Variants in PPP2R5C observed in about 807,000 individuals in gnomAD.
PPP2R5C encodes the protein serine/threonine-protein phosphatase 2A 56 kDa regulatory subunit gamma isoform.
A neutral mutation model predicts 68.9 loss-of-function variants in PPP2R5C; 7 were observed. The observed-to-expected ratio is 0.10, with a 90% CI of 0.06 to 0.19. The LOEUF (loss-of-function observed/expected upper bound fraction) is 0.19, where lower values mean the gene tolerates loss of function less well. PPP2R5C is among the 10% of genes least tolerant of loss of function. The pLI is 1.00. For synonymous variants in PPP2R5C, 210 were observed against 222.2 expected (o/e 0.95, Z 0.49); for missense variants, 348 against 641.3 (o/e 0.54, Z 4.94).
At chr14:101,810,820 A>G (rs567050919) in intron 1 of PPP2R5C, among the ~76,000 whole-genome samples, 1 of 152,334 alleles carries the variant, frequency 6.6e-6, no homozygotes, top group East Asian at 1.9e-4. Context: ...TCTAGTAATT[A>G]ATAGCGGTTA....
chr14:101,829,185 G>A (rs2040583056), intron 1 of PPP2R5C, among the ~76,000 whole-genome samples: 1 of 152,080 alleles, frequency 6.6e-6, no homozygotes, highest in Admixed American at 6.5e-5. Flanking sequence ...TTCTAACCTT[G>A]AAATAGGAGC....
At position 101,891,283 on chromosome 14, in the gene PPP2R5C, T is replaced by A. The variant is rs925200741; in HGVS notation, c.689+987T>A. 6.6e-6 allele frequency among the ~76,000 whole-genome samples: 1 copy of A among 152,104 alleles called. No homozygotes were observed. Among genetic ancestry groups the A allele is most frequent in the African/African-American group, 2.4e-5 (1 of 41,420 alleles). On this transcript the variant is annotated intron_variant, in intron 6 of 13. Coordinates refer to ENST00000334743, the Ensembl canonical transcript of PPP2R5C. This position sits in a 1 kb window ranked among gnomAD's most constrained non-coding sequence, Gnocchi z 4.9. Reference sequence around the variant, plus strand: ...GATGGATCTAGTGACGCTCTGCAGCTCCTGAGCACAAGACTCTCTTCTCAG... The same window carrying A: ...GATGGATCTAGTGACGCTCTGCAGCACCTGAGCACAAGACTCTCTTCTCAG...
chr14:101,814,871 C>T (rs1428861448), intron 1 of PPP2R5C, among the ~76,000 whole-genome samples: 3 of 152,218 alleles, frequency 2.0e-5, no homozygotes, highest in African/African-American at 4.8e-5. Flanking sequence ...CACTCATGTA[C>T]TTCTTCCTCA....
intron 11 of PPP2R5C, among the ~76,000 whole-genome samples, chr14:101,910,628 T>A (rs977223986): frequency 6.6e-6 from 1 of 151,622 alleles, no homozygotes; most frequent in Admixed American, 6.6e-5. Context: ...GTCAGGAGAT[T>A]GAGACCATGC....
At chr14:101,840,809 T>A (rs1438989162) in intron 1 of PPP2R5C, among the ~76,000 whole-genome samples, 4 of 152,176 alleles carry the variant, frequency 2.6e-5, no homozygotes, top group Admixed American at 2.6e-4. Flanking sequence ...GAACCAGACA[T>A]TGTCAAATTG....
intron 1 of PPP2R5C, among the ~76,000 whole-genome samples, chr14:101,854,278 G>A (rs539749759): frequency 6.6e-6 from 1 of 152,318 alleles, no homozygotes; most frequent in African/African-American, 2.4e-5. Context: ...AGGAAACAGG[G>A]AAACCGTAGC....
At chr14:101,863,326 G>A (rs557515944) in intron 2 of PPP2R5C, among the ~76,000 whole-genome samples, 4 of 151,758 alleles carry the variant, frequency 2.6e-5, no homozygotes, top group African/African-American at 9.7e-5. Context: ...AAGACATGGA[G>A]TCTGGCTATG....
At chr14:101,761,625 G>A (rs1377953706), upstream of PPP2R5C, among the ~76,000 whole-genome samples, 8 of 124,988 alleles carry the variant, frequency 6.4e-5, no homozygotes, top group African/African-American at 2.7e-4. Flanking sequence ...GCGGCCGGCC[G>A]GGGGGTGGGA....
In PPP2R5C at chr14:101,915,052, T is replaced by TTTCGG. The variant is rs2046589329; in HGVS notation, c.1326+2581_1326+2582insCGGTT. 6.6e-6 allele frequency among the ~76,000 whole-genome samples: 1 copy of TTTCGG among 151,966 alleles called. No individual in the cohort carries two copies. ...GAATGCACCTCAGTGAAGGTTTTTGTTTTGGTTTGGTTTGGTTTGGTTTGA... is the reference window on the plus strand; with the variant it reads ...GAATGCACCTCAGTGAAGGTTTTTGTTTCGGTTTGGTTTGGTTTGGTTTGGTTTGA... On this transcript the variant is annotated intron_variant, in intron 12 of 13. Transcript: ENST00000334743. This position sits in a 1 kb window ranked among gnomAD's most constrained non-coding sequence, Gnocchi z 4.2.
At chr14:101,909,952 C>T (rs1288086287) in intron 11 of PPP2R5C, among the ~76,000 whole-genome samples, 2 of 152,190 alleles carry the variant, frequency 1.3e-5, no homozygotes, top group Non-Finnish European at 2.9e-5. Flanking sequence ...ATTTAACATT[C>T]AGAATTTTTT....
intron 3 of PPP2R5C, among the ~76,000 whole-genome samples, chr14:101,804,392 T>C (rs576471929): frequency 1.3e-5 from 2 of 152,220 alleles, no homozygotes; most frequent in African/African-American, 4.8e-5. Context: ...AGAAAGAAAA[T>C]GAGTATATCA....
intron 10 of PPP2R5C, among the ~76,000 whole-genome samples, chr14:101,907,362 G>A (rs1488766486): frequency 6.6e-6 from 1 of 151,818 alleles, no homozygotes; most frequent in East Asian, 1.9e-4. Flanking sequence ...GTAGAGATGG[G>A]GTTTTGCCAT....
At chr14:101,904,716 A>T (rs2141052753) in intron 9 of PPP2R5C, among the ~76,000 whole-genome samples, 1 of 152,278 alleles carries the variant, frequency 6.6e-6, no homozygotes, top group East Asian at 1.9e-4. Flanking sequence ...CAACCTCAGG[A>T]TCTCTAAGCT....
In PPP2R5C at chr14:101,836,300, G is replaced by A. The variant is rs774648647; in HGVS notation, c.95-20386G>A. On this transcript the variant is annotated intron_variant, in intron 1 of 13. Transcript: ENST00000334743. ...ACCCCGCGGCCCCCAAAGCATGGAC[G>A]GAGCTGCCAGCCTTCTCCCCTGCCC... The A allele has an allele frequency of 1.3e-3, 880 of 702,696 alleles. 2 individuals are homozygous for A. Among genetic ancestry groups the A allele is most frequent in the Non-Finnish European group, 1.9e-3 (724 of 384,922 alleles). The allele number at this position is 702,696 out of a possible 1,614,324, so 43.5% of individuals were successfully genotyped here.
At position 101,816,899 on chromosome 14, in the gene PPP2R5C, AAT is replaced by A. The variant is rs1176948924; in HGVS notation, c.94+6873_94+6874del. Reference sequence around the variant, plus strand: ...ATATATATTATATATATATTATATAAATATATATATAATATATATATTTATAT... The same window carrying A: ...ATATATATTATATATATATTATATAAATATATATAATATATATATTTATAT... On this transcript the variant is annotated intron_variant, in intron 1 of 13. Coordinates refer to ENST00000334743, the Ensembl canonical transcript of PPP2R5C. Among the ~76,000 whole-genome samples, 923 of 127,104 alleles carry A rather than the reference AAT, an allele frequency of 7.3e-3. 6 individuals carry two copies. The highest frequency in any genetic ancestry group is 0.019 in the Middle Eastern group (5 of 264). 83.4% of individuals were successfully genotyped at this position (127,104 alleles called of 152,430 possible).
rs2141011739 is a variant in PPP2R5C, at chr14:101,899,026, TA to T, written c.853-2690del. ...TCAAATGTCCAGGCTCAGGAATGTT[TA>T]AAGTAAGATCCACTTAGAAGACTGA... On this transcript the variant is annotated intron_variant, in intron 8 of 13. Transcript: ENST00000334743. This position sits in a 1 kb window ranked among gnomAD's most constrained non-coding sequence, Gnocchi z 4.2. Among the ~76,000 whole-genome samples, 1 of 152,320 alleles carries T rather than the reference TA, an allele frequency of 6.6e-6. No homozygotes were observed. Among genetic ancestry groups the T allele is most frequent in the South Asian group, 2.1e-4 (1 of 4,828 alleles).
chr14:101,791,137 G>C (rs1029024342), intron 3 of PPP2R5C, among the ~76,000 whole-genome samples: 2 of 152,166 alleles, frequency 1.3e-5, no homozygotes, highest in Non-Finnish European at 1.5e-5. Context: ...TTCCAAAGTG[G>C]TTGTACTGTT....
intron 2 of PPP2R5C, among the ~76,000 whole-genome samples, chr14:101,870,535 C>T (rs1054491564): frequency 7.9e-5 from 12 of 152,230 alleles, no homozygotes; most frequent in African/African-American, 2.9e-4. Flanking sequence ...CAGTCTCACA[C>T]TGTCTTCAGT....
intron 1 of PPP2R5C, among the ~76,000 whole-genome samples, chr14:101,847,106 G>T (rs1172692777): frequency 6.6e-6 from 1 of 152,174 alleles, no homozygotes; most frequent in Non-Finnish European, 1.5e-5. Context: ...ACCTGAGTTT[G>T]TTTTCCTCAG....
Sources: gnomAD v4.1 joint callset for allele counts (sites outside exome capture counted in the v4.1 genomes callset) on GRCh38, gnomAD v4.1.1 for gene constraint, Gnocchi (gnomAD v3.1) non-coding constraint, MANE v1.5 for transcripts, NCBI Gene and HGNC (gene_info 2026-07-23, HGNC 2026-07-21) for gene names.